Variants in ATP9A observed in about 807,000 individuals in gnomAD.
The protein encoded by ATP9A is ATPase phospholipid transporting 9A.
In ATP9A, 52 loss-of-function variants were observed where a neutral mutation model predicts 144.1. The observed-to-expected ratio is 0.36, with a 90% confidence interval of 0.29 to 0.45. The LOEUF (loss-of-function observed/expected upper bound fraction) is 0.45. Among genes scored for constraint, ATP9A ranks in the 20% least tolerant of loss-of-function variants. The pLI is 1.00. For synonymous variants in ATP9A, 582 were observed against 557.4 expected (o/e 1.04, Z -0.62); for missense variants, 947 against 1,392.7 (o/e 0.68, Z 5.09).
intron 13 of ATP9A, among the ~76,000 whole-genome samples, chr20:51,666,678 TTAA>T (rs1403414208): frequency 2.0e-4 from 17 of 84,628 alleles, no homozygotes; most frequent in African/African-American, 1.9e-4. Flanking sequence ...AGACTGTGTC[TTAA>T]AAAAAAAAAA....
In ATP9A at chr20:51,659,680, A is replaced by G. The variant is rs148937924; in HGVS notation, c.1294-2530T>C. On this transcript the variant is annotated intron_variant, in intron 13 of 27. Coordinates refer to ENST00000338821, the MANE Select transcript of ATP9A (RefSeq NM_006045.3). The stretch of plus-strand genomic sequence containing the variant: ...AGAAGTGATCTGATCCTTTAAAATG[A>G]GTCGCACTTTACACCCATGACACCC... Among the ~76,000 whole-genome samples, 667 of 152,364 alleles carry G rather than the reference A, an allele frequency of 4.4e-3. 8 individuals are homozygous for G. Among genetic ancestry groups the G allele is most frequent in the African/African-American group, 0.015 (627 of 41,578 alleles).
Position 51,604,876 on chromosome 20 carries a change from G to A in ATP9A, c.2948C>T (p.Ala983Val), listed in dbSNP as rs777134083. 1.3e-6 allele frequency: 2 copies of A among 1,596,122 alleles called. No homozygotes were observed. The highest frequency in any genetic ancestry group is 1.7e-6 in the Non-Finnish European group (2 of 1,170,792). The change falls in exon 27 of 28, where the codon GCG (alanine) becomes GTG (valine). Residue 983 changes from alanine to valine, a missense_variant. Coordinates refer to ENST00000338821, the MANE Select transcript of ATP9A (RefSeq NM_006045.3). The stretch of plus-strand genomic sequence containing the variant: ...GTAGCAGGCCAGGCTGAGCAGCTCC[G>A]CCACTGTCATGAGCCAGTGCCAGGT... ...IQTWHWLMTV[A>V]ELLSLACYIA...
intron 4 of ATP9A, among the ~76,000 whole-genome samples, chr20:51,704,419 C>T (rs964620256): frequency 6.6e-6 from 1 of 151,828 alleles, no homozygotes; most frequent in Non-Finnish European, 1.5e-5. Flanking sequence ...ATCAGTTCAC[C>T]AATGACTTGT....
intron 1 of ATP9A, among the ~76,000 whole-genome samples, chr20:51,744,151 ATTATT>A (rs145855486): frequency 0.015 from 2,319 of 152,060 alleles, 61 homozygotes; most frequent in African/African-American, 0.053. Flanking sequence ...CCATTTATTT[ATTATT>A]TTATTTATTT....
At chr20:51,642,826 C>T (rs1247870154) in intron 14 of ATP9A, among the ~76,000 whole-genome samples, 1 of 148,290 alleles carries the variant, frequency 6.7e-6, no homozygotes, top group Non-Finnish European at 1.5e-5. Context: ...AGCCACAAGG[C>T]AAAGGTATGC....
At chr20:51,745,502 G>T (rs1471306114) in intron 1 of ATP9A, among the ~76,000 whole-genome samples, 2 of 152,264 alleles carry the variant, frequency 1.3e-5, no homozygotes, top group East Asian at 1.9e-4. Context: ...CAGGGCGGGG[G>T]GATTTTGCCC....
At chr20:51,748,297 GGAA>G (rs1179389752) in intron 1 of ATP9A, among the ~76,000 whole-genome samples, 1 of 151,920 alleles carries the variant, frequency 6.6e-6, no homozygotes, top group Non-Finnish European at 1.5e-5. Context: ...TTTTAAAAAT[GGAA>G]GAAGAAGAAA....
chr20:51,638,403 C>G (rs921518586), intron 15 of ATP9A, among the ~76,000 whole-genome samples: 1 of 151,864 alleles, frequency 6.6e-6, no homozygotes, highest in African/African-American at 2.4e-5. Context: ...GGAACCACCC[C>G]ACTCCAACAT....
intron 1 of ATP9A, among the ~76,000 whole-genome samples, chr20:51,767,120 T>A (rs934343698): frequency 6.7e-6 from 1 of 150,000 alleles, no homozygotes; most frequent in Non-Finnish European, 1.5e-5. Context: ...GAAGCCACCC[T>A]TATGGTTCAC....
intron 17 of ATP9A, 64 bp downstream of exon 17, chr20:51,627,536 G>A: frequency 1.4e-6 from 2 of 1,414,864 alleles, no homozygotes; most frequent in Non-Finnish European, 2.0e-6. Flanking sequence ...GAGGGATGGT[G>A]GAAGGAGTGA....
rs1555831227 is a variant in ATP9A at position 51,638,121 on chromosome 20, A to ATATC, written c.1668+1218_1668+1221dup. Among the ~76,000 whole-genome samples the ATATC allele has an allele frequency of 1.5e-3, 156 of 102,988 alleles. 5 individuals are homozygous for ATATC. The highest frequency in any genetic ancestry group is 1.9e-3 in the African/African-American group (47 of 24,340). 67.6% of individuals were successfully genotyped at this position (102,988 alleles called of 152,430 possible). ...TATATATATATATATATATATATATATATCTCATAGTTCCTTTATCCACTT... is the reference window on the plus strand; with the variant it reads ...TATATATATATATATATATATATATATATCTATCTCATAGTTCCTTTATCCACTT... On this transcript the variant is annotated intron_variant, in intron 15 of 27. Transcript: ENST00000338821.
chr20:51,690,906 A>G (rs963735494), intron 7 of ATP9A, 87 bp from the exon 8 acceptor site: 10 of 1,080,564 alleles, frequency 9.3e-6, no homozygotes, highest in Non-Finnish European at 1.3e-5. Context: ...CAAAGCAACT[A>G]TATTTCCCAC....
At chr20:51,665,236 G>T (rs866316091) in intron 13 of ATP9A, among the ~76,000 whole-genome samples, 2 of 147,214 alleles carry the variant, frequency 1.4e-5, no homozygotes, top group South Asian at 4.6e-4. Flanking sequence ...TGACAGCTGG[G>T]GGGATAGAGC....
In ATP9A at chr20:51,601,222, G is replaced by A; in HGVS notation, c.3133C>T (p.Leu1045Phe). ...AGCGAACGCACGGCCTATGATGTGA[G>A]CTTTGAGTAGCTGGGGGGAGAGAAC... ...RRFSPPSYSK[L>F]TS is the part of the protein sequence containing the mutation. The change falls in exon 28 of 28, where the codon CTC becomes TTC. Residue 1045 changes from leucine to phenylalanine, a missense_variant. Transcript: ENST00000338821. The A allele has an allele frequency of 6.2e-7, 1 of 1,612,850 alleles. No homozygotes were observed. The highest frequency in any genetic ancestry group is 8.5e-7 in the Non-Finnish European group (1 of 1,179,340).
At chr20:51,660,515 C>G (rs747511622) in intron 13 of ATP9A, among the ~76,000 whole-genome samples, 5 of 152,244 alleles carry the variant, frequency 3.3e-5, no homozygotes, top group Non-Finnish European at 7.3e-5. Flanking sequence ...ACCAACATCA[C>G]AGGCCACAGG....
chr20:51,620,223 A>G (rs1238815609), intron 19 of ATP9A, among the ~76,000 whole-genome samples: 1 of 152,200 alleles, frequency 6.6e-6, no homozygotes, highest in African/African-American at 2.4e-5. Context: ...ACCATATGCA[A>G]ACGAGCCGGT....
At chr20:51,683,065 G>A (rs540751979) in intron 9 of ATP9A, among the ~76,000 whole-genome samples, 4 of 150,706 alleles carry the variant, frequency 2.7e-5, no homozygotes, top group African/African-American at 7.3e-5. Flanking sequence ...GCACTCCAGC[G>A]TGGGGACAAG....
At chr20:51,711,590 G>C (rs951382092) in intron 4 of ATP9A, among the ~76,000 whole-genome samples, 1 of 152,148 alleles carries the variant, frequency 6.6e-6, no homozygotes, top group Non-Finnish European at 1.5e-5. Flanking sequence ...AGTCATCTTA[G>C]GGGACAATCG....
chr20:51,720,791 G>A lies in ATP9A; in HGVS notation c.327+5028C>T, dbSNP rs113898107. On this transcript the variant is annotated intron_variant, in intron 3 of 27. Transcript: ENST00000338821. Reference sequence around the variant, plus strand: ...GATGGCTACAGTGAGCCGATATCGCGCCATTGCACTCCAATCTAGGCGACA... The same window carrying A: ...GATGGCTACAGTGAGCCGATATCGCACCATTGCACTCCAATCTAGGCGACA... Among the ~76,000 whole-genome samples, 1,128 of 152,188 alleles carry A rather than the reference G, an allele frequency of 7.4e-3. 15 individuals are homozygous for A. Among genetic ancestry groups the A allele is most frequent in the African/African-American group, 0.025 (1,044 of 41,538 alleles).
Sources: allele counts gnomAD v4.1 joint callset (sites outside exome capture counted in the v4.1 genomes callset), GRCh38; gene constraint gnomAD v4.1.1; transcripts MANE v1.5; gene names NCBI Gene and HGNC (gene_info 2026-07-23, HGNC 2026-07-21).